The following TEX101 variants were observed in gnomAD, a reference collection of about 807,000 sequenced individuals.
TEX101 encodes testis-expressed protein 101.
A neutral mutation model predicts 18.1 loss-of-function variants in TEX101; 10 were observed. The ratio of observed to expected loss-of-function variants is 0.55; its 90% CI spans 0.34 to 0.94. TEX101 has a LOEUF of 0.94. TEX101 is among the 40% of genes least tolerant of loss of function. TEX101 has a pLI of 0.02. For synonymous variants in TEX101, 94 were observed against 114.8 expected (o/e 0.82, Z 1.16); for missense variants, 259 against 298.9 (o/e 0.87, Z 0.98).
rs770117456 is a variant in TEX101 at position 43,418,009 on chromosome 19, A to ATG, written c.520+3_520+4insTG. 6.2e-7 allele frequency: 1 copy of ATG among 1,614,158 alleles called. No homozygotes were observed. On this transcript the variant is annotated splice_donor_region_variant and intron_variant, in intron 5 of 5. Transcript: ENST00000598265. Reference sequence around the variant, plus strand: ...AGGAAAACTTGAGATCACTGGAGGTAAACTGAAATGAACATCTGATAGTTT... The same window carrying ATG: ...AGGAAAACTTGAGATCACTGGAGGTATGAACTGAAATGAACATCTGATAGTTT...
upstream of TEX101, among the ~76,000 whole-genome samples, chr19:43,412,673 A>T (rs1970428974): frequency 6.6e-6 from 1 of 152,146 alleles, no homozygotes; most frequent in African/African-American, 2.4e-5. Context: ...ACTGGCACAC[A>T]TTCTTCCTGG....
At chr19:43,391,416 T>TC in the TEX101 span, among the ~76,000 whole-genome samples, 57 of 148,506 alleles carry the variant, frequency 3.8e-4, no homozygotes, top group South Asian at 6.4e-4. Flanking sequence ...CTTTTTTTTT[T>TC]TTTTTTTTTT....
upstream of TEX101, among the ~76,000 whole-genome samples, chr19:43,412,131 G>A (rs1279206961): frequency 2.0e-5 from 3 of 152,214 alleles, no homozygotes; most frequent in Non-Finnish European, 4.4e-5. Flanking sequence ...GAGACTAGAA[G>A]TAATTTATAA....
the TEX101 span, among the ~76,000 whole-genome samples, chr19:43,395,763 T>C: frequency 4.1e-4 from 62 of 152,362 alleles, no homozygotes; most frequent in Non-Finnish European, 7.8e-4. Context: ...CCAAAGCAGC[T>C]GCCGTTGTGC....
the TEX101 span, among the ~76,000 whole-genome samples, chr19:43,390,590 C>T: frequency 1.3e-5 from 2 of 149,018 alleles, no homozygotes; most frequent in South Asian, 4.3e-4. Context: ...GCCTCAGCCT[C>T]CTGAGTAGCT....
the TEX101 span, among the ~76,000 whole-genome samples, chr19:43,390,757 G>A: frequency 2.0e-5 from 3 of 150,924 alleles, no homozygotes; most frequent in Non-Finnish European, 4.4e-5. Flanking sequence ...AAGCCACCTC[G>A]CCCGGCCCAT....
At chr19:43,406,912 T>C (rs1970369002) in intron 3 of TEX101, among the ~76,000 whole-genome samples, 1 of 147,064 alleles carries the variant, frequency 6.8e-6, no homozygotes, top group African/African-American at 2.5e-5. Context: ...CTTCTTTTTG[T>C]TTTTTGTCTT....
the TEX101 span, among the ~76,000 whole-genome samples, chr19:43,389,418 G>T: frequency 6.6e-6 from 1 of 152,184 alleles, no homozygotes; most frequent in Non-Finnish European, 1.5e-5. Context: ...TGGGGATCGG[G>T]GACAGAAGCT....
chr19:43,413,504 A>G (rs902361818), upstream of TEX101, among the ~76,000 whole-genome samples: 1 of 152,056 alleles, frequency 6.6e-6, no homozygotes, highest in Admixed American at 6.5e-5. Flanking sequence ...TCCAAAAAAA[A>G]AAAAAAAGGC....
At chr19:43,390,405 A>T in the TEX101 span, among the ~76,000 whole-genome samples, 4 of 149,096 alleles carry the variant, frequency 2.7e-5, no homozygotes, top group Non-Finnish European at 5.9e-5. Flanking sequence ...TATAACATAG[A>T]ATTCACCATT....
At chr19:43,402,254 G>C (rs1970324474) in intron 1 of TEX101, among the ~76,000 whole-genome samples, 1 of 152,180 alleles carries the variant, frequency 6.6e-6, no homozygotes, top group Non-Finnish European at 1.5e-5. Flanking sequence ...AGACATCTCT[G>C]TATCATAGAA....
At chr19:43,392,069 C>CAGAG in the TEX101 span, among the ~76,000 whole-genome samples, 1 of 152,028 alleles carries the variant, frequency 6.6e-6, no homozygotes, top group Admixed American at 6.6e-5. Flanking sequence ...GAGAAACACA[C>CAGAG]AGAGAGAGTT....
upstream of TEX101, among the ~76,000 whole-genome samples, chr19:43,398,208 A>T (rs1318929175): frequency 9.4e-6 from 1 of 106,750 alleles, no homozygotes; most frequent in Non-Finnish European, 1.8e-5. Flanking sequence ...TAAATATATA[A>T]TATATAAATA....
chr19:43,418,546 T>G lies in TEX101; in HGVS notation c.*149T>G. On this transcript the variant is annotated 3_prime_UTR_variant, in exon 6 of 6. Transcript: ENST00000598265. ...TATTTGACATTTTTAATACAATTTC[T>G]GCTATAATTTTTGTATGCAGTAGGC... 1 of 672,322 alleles carries G rather than the reference T, an allele frequency of 1.5e-6. No homozygotes were observed. The highest frequency in any genetic ancestry group is 2.5e-6 in the Non-Finnish European group (1 of 403,830). The allele number at this position is 672,322 out of a possible 1,614,324, so 41.6% of individuals were successfully genotyped here. A position where few individuals can be genotyped will look rare whatever the true frequency, so the allele number is the denominator to read the frequency against.
At chr19:43,403,760 T>C (rs745335055) in intron 2 of TEX101, among the ~76,000 whole-genome samples, 1 of 152,092 alleles carries the variant, frequency 6.6e-6, no homozygotes, top group Non-Finnish European at 1.5e-5. Flanking sequence ...GATAGACATT[T>C]ACTGAAAACC....
upstream of TEX101, among the ~76,000 whole-genome samples, chr19:43,412,351 A>C (rs1970426458): frequency 6.6e-6 from 1 of 152,138 alleles, no homozygotes; most frequent in South Asian, 2.1e-4. Context: ...GGACAGCACC[A>C]AGTCATGAAG....
At chr19:43,401,681 C>CT (rs1157281482) in intron 1 of TEX101, 5 of 152,182 alleles carry the variant, frequency 3.3e-5, no homozygotes, top group African/African-American at 9.7e-5. Flanking sequence ...TGGAGAAACT[C>CT]TGTCTCTACT....
chr19:43,389,291 G>A, the TEX101 span, among the ~76,000 whole-genome samples: 11 of 152,210 alleles, frequency 7.2e-5, no homozygotes, highest in African/African-American at 1.2e-4. Context: ...ACACAGACAC[G>A]GGTCCAGGCT....
chr19:43,410,291 T>G (rs1970407023), upstream of TEX101, among the ~76,000 whole-genome samples: 1 of 150,296 alleles, frequency 6.7e-6, no homozygotes, highest in African/African-American at 2.5e-5. Context: ...CAATTAGGAG[T>G]TTGTGGGGTA....
Sources: gnomAD v4.1 joint callset for allele counts (sites outside exome capture counted in the v4.1 genomes callset) on GRCh38, gnomAD v4.1.1 for gene constraint, MANE v1.5 for transcripts, NCBI Gene and HGNC (gene_info 2026-07-23, HGNC 2026-07-21) for gene names.